Variants in POU4F1 observed in about 807,000 individuals in gnomAD.
POU4F1 encodes POU domain, class 4, transcription factor 1.
In POU4F1, 5 loss-of-function variants were observed where a neutral mutation model predicts 19.8. The ratio of observed to expected loss-of-function variants is 0.25; its 90% confidence interval spans 0.13 to 0.53. The LOEUF is 0.53. POU4F1 is among the 20% of genes least tolerant of loss of function. The pLI, the probability that POU4F1 is intolerant of heterozygous loss-of-function variation, is 0.96. For missense variants in POU4F1, 408 were observed against 511.6 expected (o/e 0.80, Z 1.95); for synonymous variants, 266 against 247.7 (o/e 1.07, Z -0.69).
rs778238286 is a variant in POU4F1, at chr13:78,601,368, GCCT to G, written c.*44_*46del. 105 of 1,608,530 alleles carry G rather than the reference GCCT, an allele frequency of 6.5e-5. 1 individual carries two copies. The highest frequency in any genetic ancestry group is 5.9e-4 in the South Asian group (54 of 90,784). On this transcript the variant is annotated 3_prime_UTR_variant, in exon 2 of 2. Transcript: ENST00000377208. ...AAGCAGAGGAAAGCCCCCCAAAAAT[GCCT>G]CCTCAGCTCCCCATTCTGTCCCGCC...
chr13:78,603,106 C>T (rs569108416), intron 1 of POU4F1, 98 bp downstream of exon 1: 6 of 1,006,486 alleles, frequency 6.0e-6, no homozygotes, highest in African/African-American at 5.2e-5. Flanking sequence ...CGCAGTTCCC[C>T]GCACCGGGAC....
rs373830031 is a variant in POU4F1, at chr13:78,601,652, G to C, written c.1023C>G (p.Arg341=). ...AWLEEAEGAQ[R]EKMNKPELFN... ...AGAGCTCAGGCTTGTTCATTTTCTC[G>C]CGCTGGGCGCCCTCGGCCTCCTCGA... The change falls in exon 2 of 2, where the codon CGC becomes CGG. Residue 341 remains arginine, a synonymous_variant. Coordinates refer to ENST00000377208, the MANE Select transcript of POU4F1 (RefSeq NM_006237.4). The C allele has an allele frequency of 6.2e-7, 1 of 1,613,726 alleles. No individual in the cohort carries two copies. Among genetic ancestry groups the C allele is most frequent in the Non-Finnish European group, 8.5e-7 (1 of 1,179,944 alleles).
rs1034561565 is a variant in POU4F1, at chr13:78,598,362, T to G, written c.*3053A>C. ...GTCATACTTTTCTATAAAATAACGG[T>G]TTTTTTACAAATGCATTTTATTTAA... On this transcript the variant is annotated 3_prime_UTR_variant, in exon 2 of 2. Coordinates refer to ENST00000377208, the MANE Select transcript of POU4F1 (RefSeq NM_006237.4). 2 of 152,128 alleles carry G rather than the reference T, an allele frequency of 1.3e-5. No individual in the cohort carries two copies. Among genetic ancestry groups the G allele is most frequent in the Non-Finnish European group, 2.9e-5 (2 of 68,014 alleles). 9.4% of individuals were successfully genotyped at this position (152,128 alleles called of 1,614,324 possible).
chr13:78,603,391 C>T lies in POU4F1; in HGVS notation c.-65G>A. Reference sequence around the variant, plus strand: ...GTCCGCGGGAAAGTGCGTACGCCGGCTCACCCGGCCTCCCTTCGGAGGCTG... The same window carrying T: ...GTCCGCGGGAAAGTGCGTACGCCGGTTCACCCGGCCTCCCTTCGGAGGCTG... On this transcript the variant is annotated 5_prime_UTR_variant, in exon 1 of 2. Transcript: ENST00000377208. 2 of 1,516,994 alleles carry T rather than the reference C, an allele frequency of 1.3e-6. No individual in the cohort carries two copies. Among genetic ancestry groups the T allele is most frequent in the Non-Finnish European group, 1.8e-6 (2 of 1,130,414 alleles). The allele number at this position is 1,516,994 out of a possible 1,614,324, so 94.0% of individuals were successfully genotyped here.
In POU4F1 at chr13:78,601,346, C is replaced by T. The variant is rs1046943731; in HGVS notation, c.*69G>A. On this transcript the variant is annotated 3_prime_UTR_variant, in exon 2 of 2. Coordinates refer to ENST00000377208, the MANE Select transcript of POU4F1 (RefSeq NM_006237.4). ...CACTCCAAATCCGAGGGGAGGCAAG[C>T]AGAGGAAAGCCCCCCAAAAATGCCT... is the stretch of plus-strand genomic sequence containing the variant. 4 of 1,595,794 alleles carry T rather than the reference C, an allele frequency of 2.5e-6. No homozygotes were observed. Among genetic ancestry groups the T allele is most frequent in the Non-Finnish European group, 3.4e-6 (4 of 1,172,892 alleles).
Position 78,603,437 on chromosome 13 carries a change from GCT to G in POU4F1, c.-113_-112del. On this transcript the variant is annotated 5_prime_UTR_variant, in exon 1 of 2. Coordinates refer to ENST00000377208, the MANE Select transcript of POU4F1 (RefSeq NM_006237.4). ...GGCTGCAGCCGCGGCGGTCGCGGCGGCTGGCGGCGGCCCCGCCGCGGGCTGCT... is the reference window on the plus strand; with the variant it reads ...GGCTGCAGCCGCGGCGGTCGCGGCGGGGCGGCGGCCCCGCCGCGGGCTGCT... The G allele has an allele frequency of 7.4e-7, 1 of 1,356,420 alleles. No individual in the cohort carries two copies. Among genetic ancestry groups the G allele is most frequent in the Non-Finnish European group, 9.5e-7 (1 of 1,052,796 alleles). 84.0% of individuals were successfully genotyped at this position (1,356,420 alleles called of 1,614,324 possible).
In POU4F1 at chr13:78,601,195, T is replaced by C; in HGVS notation, c.*220A>G. 1 of 354,514 alleles carries C rather than the reference T, an allele frequency of 2.8e-6. No homozygotes were observed. The highest frequency in any genetic ancestry group is 8.3e-5 in the East Asian group (1 of 12,056). The allele number at this position is 354,514 out of a possible 1,614,324, so 22.0% of individuals were successfully genotyped here. ...GCTCCCCCCCTTCTCCCCTACCCTA[T>C]ACTCCAATCCCCACACCCAGCACCC... On this transcript the variant is annotated 3_prime_UTR_variant, in exon 2 of 2. Transcript: ENST00000377208.
chr13:78,601,662 C>T lies in POU4F1; in HGVS notation c.1013G>A (p.Gly338Asp). ...CTTGTTCATTTTCTCGCGCTGGGCG[C>T]CCTCGGCCTCCTCGAGCCACGCCTG... ...ILQAWLEEAE[G>D]AQREKMNKPE... Residue 338 changes from glycine (G) to aspartate (D), a missense_variant, in exon 2 of 2, where the codon GGC becomes GAC. Physicochemically the swap from Gly to Asp is moderately conservative, Grantham distance 94. Around this residue, in one of 4 missense-constraint regions of POU4F1, gnomAD observed 39 missense variants for 36.8 expected, o/e 1.06. Coordinates refer to ENST00000377208, the MANE Select transcript of POU4F1 (RefSeq NM_006237.4). The T allele has an allele frequency of 6.2e-7, 1 of 1,613,740 alleles. No homozygotes were observed.
In POU4F1 at chr13:78,602,452, G is replaced by T. The variant is rs376644798; in HGVS notation, c.223C>A (p.Pro75Thr). 5.0e-6 allele frequency: 8 copies of T among 1,601,450 alleles called. No homozygotes were observed. The highest frequency in any genetic ancestry group is 6.0e-6 in the Non-Finnish European group (7 of 1,175,502). Residue 75 changes from proline to threonine, a missense_variant, in exon 2 of 2, where the codon CCT becomes ACT. Physicochemically the swap from Pro to Thr is conservative, Grantham distance 38. Transcript: ENST00000377208. ...TGGTACGTGGCGTCCGGCTTGAAAG[G>T]ATGGCTCTTGCCCTGGGACACGGCG... Reference protein sequence around the residue: ...DIAVSQGKSHPFKPDATYHTM... With the variant: ...DIAVSQGKSHTFKPDATYHTM...
chr13:78,601,071 C>T lies in POU4F1; in HGVS notation c.*344G>A. ...AGAAACAGTCCATTTTCCTACCCTT[C>T]CCGCGTCTCCCCCCACCCAAACCCC... On this transcript the variant is annotated 3_prime_UTR_variant, in exon 2 of 2. Transcript: ENST00000377208. 3.1e-6 allele frequency: 1 copy of T among 325,724 alleles called. No individual in the cohort carries two copies. Among genetic ancestry groups the T allele is most frequent in the South Asian group, 4.2e-5 (1 of 23,586 alleles). The allele number at this position is 325,724 out of a possible 1,614,324, so 20.2% of individuals were successfully genotyped here.
Position 78,601,254 on chromosome 13 carries a change from A to G in POU4F1, c.*161T>C. ...AAGGCTAGGGGACAGCAAAGGCAGG[A>G]AAATCAGAGAATGGGTGGAGGAAAG... On this transcript the variant is annotated 3_prime_UTR_variant, in exon 2 of 2. Coordinates refer to ENST00000377208, the MANE Select transcript of POU4F1 (RefSeq NM_006237.4). 8.3e-7 allele frequency: 1 copy of G among 1,201,596 alleles called. No homozygotes were observed. Among genetic ancestry groups the G allele is most frequent in the Non-Finnish European group, 1.1e-6 (1 of 908,672 alleles). 74.4% of individuals were successfully genotyped at this position (1,201,596 alleles called of 1,614,324 possible).
chr13:78,600,453 T>C lies in POU4F1; in HGVS notation c.*962A>G, dbSNP rs1233393130. 1.3e-5 allele frequency: 2 copies of C among 152,208 alleles called. No individual in the cohort carries two copies. Among genetic ancestry groups the C allele is most frequent in the Non-Finnish European group, 2.9e-5 (2 of 68,038 alleles). 9.4% of individuals were successfully genotyped at this position (152,208 alleles called of 1,614,324 possible). On this transcript the variant is annotated 3_prime_UTR_variant, in exon 2 of 2. Transcript: ENST00000377208. Reference sequence around the variant, plus strand: ...TGTTTCATTTTCCTAGAATAAGATATCTCGAAGCTCCGGAATTCTGCTTTT... The same window carrying C: ...TGTTTCATTTTCCTAGAATAAGATACCTCGAAGCTCCGGAATTCTGCTTTT...
At position 78,600,868 on chromosome 13, in the gene POU4F1, G is replaced by C. The variant is rs1216424429; in HGVS notation, c.*547C>G. Reference sequence around the variant, plus strand: ...TGGTGCTCTTTTTTCTCTTCTATGGGGGAAAATGAAGTTGCAGATTATGGC... The same window carrying C: ...TGGTGCTCTTTTTTCTCTTCTATGGCGGAAAATGAAGTTGCAGATTATGGC... On this transcript the variant is annotated 3_prime_UTR_variant, in exon 2 of 2. Coordinates refer to ENST00000377208, the MANE Select transcript of POU4F1 (RefSeq NM_006237.4). 9 of 155,642 alleles carry C rather than the reference G, an allele frequency of 5.8e-5. No individual in the cohort carries two copies. Among genetic ancestry groups the C allele is most frequent in the Admixed American group, 5.6e-4 (9 of 15,934 alleles). The allele number at this position is 155,642 out of a possible 1,614,324, so 9.6% of individuals were successfully genotyped here.
At chr13:78,602,578 A>G (rs1372421590) in intron 1 of POU4F1, 27 bp from the exon 2 acceptor site, 1 of 1,406,810 alleles carries the variant, frequency 7.1e-7, no homozygotes, top group Non-Finnish European at 9.3e-7. Flanking sequence ...CCAAACCAAA[A>G]AAACCACAAA....
rs1874795930 is a variant in POU4F1, at chr13:78,603,462, G to A, written c.-136C>T. On this transcript the variant is annotated 5_prime_UTR_variant, in exon 1 of 2. Transcript: ENST00000377208. ...GCTGGCGGCGGCCCCGCCGCGGGCT[G>A]CTGCTGCTGCTCCTGCTGCTGCCAG... 6 of 1,270,366 alleles carry A rather than the reference G, an allele frequency of 4.7e-6. No individual in the cohort carries two copies. The highest frequency in any genetic ancestry group is 6.0e-6 in the Non-Finnish European group (6 of 1,003,334). 78.7% of individuals were successfully genotyped at this position (1,270,366 alleles called of 1,614,324 possible).
Position 78,599,562 on chromosome 13 carries a change from G to C in POU4F1, c.*1853C>G, listed in dbSNP as rs1403659212. On this transcript the variant is annotated 3_prime_UTR_variant, in exon 2 of 2. Transcript: ENST00000377208. ...TTTAGTGCTCAGTTTCAAATGCATA[G>C]AATGTTTGCCCTGCAAACAATGATA... is the stretch of plus-strand genomic sequence containing the variant. The C allele has an allele frequency of 6.5e-6, 1 of 152,738 alleles. No homozygotes were observed. The highest frequency in any genetic ancestry group is 2.1e-4 in the South Asian group (1 of 4,822). The allele number at this position is 152,738 out of a possible 1,614,324, so 9.5% of individuals were successfully genotyped here. A position where few individuals can be genotyped will look rare whatever the true frequency, so the allele number is the denominator to read the frequency against.
At chr13:78,602,686 G>A (rs1458455440) in intron 1 of POU4F1, 135 bp from the exon 2 acceptor site, 2 of 1,034,330 alleles carry the variant, frequency 1.9e-6, no homozygotes, top group East Asian at 6.5e-5. Context: ...ATAACAACGG[G>A]TTTGGGGGCA....
Position 78,599,454 on chromosome 13 carries a change from G to C in POU4F1, c.*1961C>G, listed in dbSNP as rs535963028. The C allele has an allele frequency of 2.6e-5, 4 of 152,588 alleles. No homozygotes were observed. The South Asian group carries it at 8.3e-4, about 32-fold the overall frequency. The allele number at this position is 152,588 out of a possible 1,614,324, so 9.5% of individuals were successfully genotyped here. On this transcript the variant is annotated 3_prime_UTR_variant, in exon 2 of 2. Transcript: ENST00000377208. ...CCTTTTTCTTTGAATACAAGAATATGACAAAAATGTTTTCAGTGGAAACAG... is the reference window on the plus strand; with the variant it reads ...CCTTTTTCTTTGAATACAAGAATATCACAAAAATGTTTTCAGTGGAAACAG...
rs78785397 is a variant in POU4F1 at position 78,599,832 on chromosome 13, A to AT, written c.*1582dup. 2 of 152,652 alleles carry AT rather than the reference A, an allele frequency of 1.3e-5. No homozygotes were observed. Among genetic ancestry groups the AT allele is most frequent in the African/African-American group, 2.4e-5 (1 of 41,570 alleles). The allele number at this position is 152,652 out of a possible 1,614,324, so 9.5% of individuals were successfully genotyped here. On this transcript the variant is annotated 3_prime_UTR_variant, in exon 2 of 2. Transcript: ENST00000377208. Reference sequence around the variant, plus strand: ...TACCTAACCACCTTCAACTATCTTAATTTTTTAAAATCCACCAGCAGCTTG... The same window carrying AT: ...TACCTAACCACCTTCAACTATCTTAATTTTTTTAAAATCCACCAGCAGCTTG...
Sources: allele counts gnomAD v4.1 joint callset, GRCh38; gene constraint gnomAD v4.1.1; regional missense constraint gnomAD v4.1.1; transcripts MANE v1.5; gene names NCBI Gene and HGNC (gene_info 2026-07-23, HGNC 2026-07-21).